IL1R2: variants seen among roughly 807,000 people sequenced by gnomAD.
IL1R2 encodes interleukin-1 receptor type 2.
A neutral mutation model predicts 39.5 loss-of-function variants in IL1R2; 46 were observed. The ratio of observed to expected loss-of-function variants is 1.16; its 90% CI spans 0.92 to 1.49. The LOEUF (loss-of-function observed/expected upper bound fraction) is 1.49, where lower values mean the gene tolerates loss of function less well. Ranked by LOEUF, IL1R2 falls within the 40% of genes most tolerant of loss-of-function variation. The pLI, the probability that IL1R2 is intolerant of heterozygous loss-of-function variation, is 0.00. For synonymous variants in IL1R2, 207 were observed against 189.6 expected (o/e 1.09, Z -0.75); for missense variants, 537 against 502.0 (o/e 1.07, Z -0.67).
chr2:102,009,035 T>G (rs1337132901), intron 2 of IL1R2, among the ~76,000 whole-genome samples: 1 of 147,700 alleles, frequency 6.8e-6, no homozygotes, highest in Non-Finnish European at 1.5e-5. Flanking sequence ...CTCAAAAAAA[T>G]AAAAAAGGAA....
intron 1 of IL1R2, among the ~76,000 whole-genome samples, chr2:101,992,470 GAGAC>G (rs1462896675): frequency 2.1e-4 from 32 of 150,448 alleles, no homozygotes; most frequent in African/African-American, 7.6e-4. Flanking sequence ...GACAGACAGA[GAGAC>G]AGAGAGAGGC....
intron 3 of IL1R2, among the ~76,000 whole-genome samples, chr2:102,013,893 G>T (rs925822185): frequency 6.6e-6 from 1 of 152,042 alleles, no homozygotes; most frequent in African/African-American, 2.4e-5. Context: ...CAGTGGGGAC[G>T]AGGACATGTG....
chr2:102,025,642 G>A (rs757120503), intron 7 of IL1R2, among the ~76,000 whole-genome samples: 2 of 152,218 alleles, frequency 1.3e-5, no homozygotes, highest in Non-Finnish European at 2.9e-5. Context: ...CCCCTGGGCT[G>A]TCTGCAGGTT....
At position 102,010,610 on chromosome 2, in the gene IL1R2, G is replaced by A. The variant is rs545389020; in HGVS notation, c.332+784G>A. ...AAAAAAAAAATTAGTCCAACTGCTC[G>A]TTGTAAGGATGAGGGAACCAAGCTG... On this transcript the variant is annotated intron_variant, in intron 3 of 8. Transcript: ENST00000332549. Among the ~76,000 whole-genome samples the A allele has an allele frequency of 3.0e-4, 46 of 151,358 alleles. No homozygotes were observed. The South Asian group carries it at 7.9e-3, about 26-fold the overall frequency.
intron 3 of IL1R2, among the ~76,000 whole-genome samples, chr2:102,015,321 T>C (rs1292006987): frequency 6.6e-6 from 1 of 152,210 alleles, no homozygotes; most frequent in Non-Finnish European, 1.5e-5. Flanking sequence ...GACAGTCCTT[T>C]GTGAAAAACA....
chr2:102,015,734 A>G lies in IL1R2; in HGVS notation c.333-137A>G, dbSNP rs777272115. Reference sequence around the variant, plus strand: ...AAAAAATCCTAAGTTGAACCATCTTATGTCGGGAAACCATCTGTACTAATC... The same window carrying G: ...AAAAAATCCTAAGTTGAACCATCTTGTGTCGGGAAACCATCTGTACTAATC... On this transcript the variant is annotated intron_variant, in intron 3 of 8. Transcript: ENST00000332549. 4 of 682,378 alleles carry G rather than the reference A, an allele frequency of 5.9e-6. No homozygotes were observed. In the Admixed American group the frequency reaches 1.1e-4, roughly 19 times the overall value. The allele number at this position is 682,378 out of a possible 1,614,324, so 42.3% of individuals were successfully genotyped here.
intron 1 of IL1R2, among the ~76,000 whole-genome samples, chr2:101,999,293 A>T (rs887122746): frequency 2.0e-5 from 3 of 152,238 alleles, no homozygotes; most frequent in Admixed American, 2.0e-4. Flanking sequence ...ATAAGACAGA[A>T]AGCAAAATTT....
chr2:102,011,884 CTT>C (rs1676660971), intron 3 of IL1R2, among the ~76,000 whole-genome samples: 1 of 152,094 alleles, frequency 6.6e-6, no homozygotes, highest in Admixed American at 6.6e-5. Context: ...AGTTTTAGCT[CTT>C]TTGCTTTTTG....
rs1676488780 is a variant in IL1R2 at position 102,009,628 on chromosome 2, C to T, written c.134C>T (p.Pro45Leu). The T allele has an allele frequency of 4.3e-6, 7 of 1,614,190 alleles. No homozygotes were observed. Among genetic ancestry groups the T allele is most frequent in the Non-Finnish European group, 5.9e-6 (7 of 1,180,024 alleles). ...YKREFRLEGE[P>L]VALRCPQVPY... Reference sequence around the variant, plus strand: ...CGGGAGTTCAGGCTGGAAGGGGAGCCTGTAGCCCTGAGGTGCCCCCAGGTG... The same window carrying T: ...CGGGAGTTCAGGCTGGAAGGGGAGCTTGTAGCCCTGAGGTGCCCCCAGGTG... Residue 45 changes from proline to leucine, a missense_variant, in exon 3 of 9, where the codon CCT becomes CTT. By Grantham distance (98) the Pro-to-Leu change is moderately conservative. Coordinates refer to ENST00000332549, the MANE Select transcript of IL1R2 (RefSeq NM_004633.4).
In IL1R2 at chr2:102,016,001, C is replaced by T. The variant is rs558760235; in HGVS notation, c.463C>T (p.Leu155=). The stretch of plus-strand genomic sequence containing the variant: ...CTCTGGGGTATTAGTATGCCCTGAC[C>T]TGAGTGAATTCACCCGTGACAAAAC... ...STSGVLVCPD[L]SEFTRDKTDV... Residue 155 remains leucine, a synonymous_variant, in exon 4 of 9, where the codon CTG becomes TTG. Coordinates refer to ENST00000332549, the MANE Select transcript of IL1R2 (RefSeq NM_004633.4). 9 of 1,613,974 alleles carry T rather than the reference C, an allele frequency of 5.6e-6. No individual in the cohort carries two copies. The East Asian group carries it at 1.6e-4, about 28-fold the overall frequency.
At chr2:102,020,740 A>G (rs1227308413) in intron 5 of IL1R2, among the ~76,000 whole-genome samples, 4 of 152,094 alleles carry the variant, frequency 2.6e-5, no homozygotes, top group Non-Finnish European at 4.4e-5. Flanking sequence ...AGGTCTCCTG[A>G]GGCTTTCCGT....
At chr2:102,025,611 G>A (rs536743006) in intron 7 of IL1R2, among the ~76,000 whole-genome samples, 3 of 152,326 alleles carry the variant, frequency 2.0e-5, no homozygotes, top group African/African-American at 7.2e-5. Context: ...ATAAATGGCA[G>A]CTATCCTGGC....
chr2:102,025,497 TC>T (rs1277560243), intron 7 of IL1R2, among the ~76,000 whole-genome samples: 3 of 152,182 alleles, frequency 2.0e-5, no homozygotes, highest in Admixed American at 2.0e-4. Context: ...GAACCTATAT[TC>T]CCCCTACAAA....
intron 8 of IL1R2, among the ~76,000 whole-genome samples, chr2:102,027,293 G>A (rs1559432536): frequency 6.6e-6 from 1 of 152,154 alleles, no homozygotes; most frequent in South Asian, 2.1e-4. Flanking sequence ...GATGGTGGTT[G>A]TACACATTTA....
At chr2:102,023,039 T>C (rs996702291) in intron 6 of IL1R2, among the ~76,000 whole-genome samples, 3 of 152,226 alleles carry the variant, frequency 2.0e-5, no homozygotes, top group Non-Finnish European at 2.9e-5. Flanking sequence ...AGGCTGGAGT[T>C]CAGATTCAGG....
At chr2:102,010,566 ACT>A (rs1380981241) in intron 3 of IL1R2, among the ~76,000 whole-genome samples, 5 of 136,190 alleles carry the variant, frequency 3.7e-5, no homozygotes, top group Non-Finnish European at 7.8e-5. Context: ...ACTGAGCGAG[ACT>A]CTGTCTAAAA....
At chr2:102,024,788 G>A in intron 7 of IL1R2, 120 bp downstream of exon 7, 1 of 1,220,510 alleles carries the variant, frequency 8.2e-7, no homozygotes, top group South Asian at 1.9e-5. Flanking sequence ...CCAAACTGTT[G>A]GATGTTTAGA....
chr2:102,019,322 C>A (rs1174572442), intron 4 of IL1R2, among the ~76,000 whole-genome samples: 1 of 152,188 alleles, frequency 6.6e-6, no homozygotes, highest in Non-Finnish European at 1.5e-5. Context: ...AGGTAGCAGT[C>A]AGGACATAAA....
At chr2:102,006,521 C>T (rs908509186) in intron 1 of IL1R2, among the ~76,000 whole-genome samples, 7 of 152,146 alleles carry the variant, frequency 4.6e-5, no homozygotes, top group African/African-American at 1.4e-4. Flanking sequence ...TCCTCAATGC[C>T]GCAATGCCGC....
Sources: gnomAD v4.1 joint callset for allele counts (sites outside exome capture counted in the v4.1 genomes callset) on GRCh38, gnomAD v4.1.1 for gene constraint, MANE v1.5 for transcripts, NCBI Gene and HGNC (gene_info 2026-07-23, HGNC 2026-07-21) for gene names.